NKAIN2: variants seen among roughly 807,000 people sequenced by gnomAD.
NKAIN2 encodes sodium/potassium transporting ATPase interacting 2.
A neutral mutation model predicts 32.6 loss-of-function variants in NKAIN2; 14 were observed. The observed-to-expected ratio is 0.43, with a 90% CI of 0.28 to 0.67. The LOEUF (loss-of-function observed/expected upper bound fraction) is 0.67. Ranked by LOEUF, NKAIN2 falls within the 30% of genes least tolerant of loss-of-function variation. The probability of loss-of-function intolerance (pLI) is 0.17; values close to 1 mark genes in which losing one functional copy is unlikely to be tolerated. For synonymous variants in NKAIN2, 80 were observed against 87.2 expected, an observed-to-expected ratio of 0.92 and a Z score of 0.46; for missense variants, 198 against 258.3, an observed-to-expected ratio of 0.77 and a Z score of 1.60.
intron 1 of NKAIN2, among the ~76,000 whole-genome samples, chr6:124,174,202 C>G (rs900078733): frequency 6.6e-6 from 1 of 152,106 alleles, no homozygotes. Context: ...CTTAAGAGAA[C>G]TCCCACCAAA....
At chr6:124,072,160 A>G (rs373314764) in intron 1 of NKAIN2, among the ~76,000 whole-genome samples, 158 of 152,290 alleles carry the variant, frequency 1.0e-3, no homozygotes, top group African/African-American at 3.7e-3. Context: ...AAATAATACA[A>G]TTATGTCCTT....
chr6:124,212,987 T>C (rs748261184), intron 1 of NKAIN2, among the ~76,000 whole-genome samples: 2 of 152,158 alleles, frequency 1.3e-5, no homozygotes, highest in African/African-American at 2.4e-5. Context: ...TTTCGTTAGA[T>C]ATACTTGCAT....
At chr6:124,497,824 T>TAAA (rs33913104) in intron 3 of NKAIN2, among the ~76,000 whole-genome samples, 8,269 of 105,472 alleles carry the variant, frequency 0.078, 509 homozygotes, top group East Asian at 0.24. Flanking sequence ...GAGTAAGGGG[T>TAAA]AAAAAAAAAA....
intron 3 of NKAIN2, among the ~76,000 whole-genome samples, chr6:124,457,111 AG>A (rs1264714985): frequency 6.6e-6 from 1 of 151,880 alleles, no homozygotes; most frequent in African/African-American, 2.4e-5. Context: ...CCTTCACAGG[AG>A]GTAGGGCTAC....
chr6:124,680,713 C>A (rs1583634379), intron 4 of NKAIN2, among the ~76,000 whole-genome samples: 1 of 152,114 alleles, frequency 6.6e-6, no homozygotes, highest in South Asian at 2.1e-4. Flanking sequence ...TTACTTCATA[C>A]TCTCAATGGA....
chr6:124,552,571 A>C (rs1201746768), intron 3 of NKAIN2, among the ~76,000 whole-genome samples: 1 of 152,212 alleles, frequency 6.6e-6, no homozygotes, highest in African/African-American at 2.4e-5. Context: ...AAGGAATAAA[A>C]AAACTCTCCC....
intron 1 of NKAIN2, among the ~76,000 whole-genome samples, chr6:123,911,805 A>ATATATATATGTG (rs1271100335): frequency 3.9e-5 from 4 of 102,682 alleles, no homozygotes; most frequent in African/African-American, 1.3e-4. Flanking sequence ...ATATATGTAT[A>ATATATATATGTG]TATATATACA....
chr6:124,206,874 AG>A lies in NKAIN2; in HGVS notation c.55-76130del, dbSNP rs556526847. On this transcript the variant is annotated intron_variant, in intron 1 of 6. Transcript: ENST00000368417. Reference sequence around the variant, plus strand: ...TTCCAGCCTCAAAACTTGGATCTCTAGATGATATAGTGATAATATTTCCTCT... The same window carrying A: ...TTCCAGCCTCAAAACTTGGATCTCTAATGATATAGTGATAATATTTCCTCT... 4.4e-3 allele frequency among the ~76,000 whole-genome samples: 670 copies of A among 151,902 alleles called. 1 individual carries two copies. The highest frequency in any genetic ancestry group is 6.9e-3 in the Non-Finnish European group (468 of 67,880).
chr6:124,259,687 A>G (rs527786359), intron 1 of NKAIN2, among the ~76,000 whole-genome samples: 150 of 152,276 alleles, frequency 9.9e-4, no homozygotes, highest in African/African-American at 2.1e-3. Context: ...AGAAAAACCT[A>G]TACCTTTAAA....
At chr6:123,979,601 G>T (rs146904553) in intron 1 of NKAIN2, among the ~76,000 whole-genome samples, 32 of 152,218 alleles carry the variant, frequency 2.1e-4, no homozygotes, top group African/African-American at 7.2e-4. Flanking sequence ...AAGAAGACCC[G>T]CACCTGACTG....
At chr6:123,919,408 CAGAAA>C (rs1775641942) in intron 1 of NKAIN2, among the ~76,000 whole-genome samples, 1 of 152,030 alleles carries the variant, frequency 6.6e-6, no homozygotes, top group African/African-American at 2.4e-5. Context: ...AATTGAAAGA[CAGAAA>C]AGAAATTTTT....
At chr6:124,159,404 T>C (rs1788157991) in intron 1 of NKAIN2, among the ~76,000 whole-genome samples, 1 of 152,172 alleles carries the variant, frequency 6.6e-6, no homozygotes, top group Admixed American at 6.5e-5. Flanking sequence ...GTGGCTTGTA[T>C]TGTGCATTTT....
intron 1 of NKAIN2, among the ~76,000 whole-genome samples, chr6:123,955,771 G>A (rs58771372): frequency 0.049 from 7,499 of 151,858 alleles, 573 homozygotes; most frequent in African/African-American, 0.16. Context: ...GACTGCAAGC[G>A]TATGCCATCA....
intron 1 of NKAIN2, among the ~76,000 whole-genome samples, chr6:123,911,075 T>G (rs914549126): frequency 3.3e-5 from 5 of 152,116 alleles, no homozygotes; most frequent in African/African-American, 1.2e-4. Context: ...GGTTGCTATA[T>G]TCTCATTTTA....
At position 124,581,048 on chromosome 6, in the gene NKAIN2, T is replaced by A. The variant is rs553280957; in HGVS notation, c.274-77138T>A. Among the ~76,000 whole-genome samples the A allele has an allele frequency of 1.9e-3, 297 of 152,314 alleles. 5 individuals are homozygous for A. Among genetic ancestry groups the A allele is most frequent in the Non-Finnish European group, 2.7e-3 (183 of 68,016 alleles). ...CCCACATATGCAAAGCAAATATTAT[T>A]AGAGCTAAAGAGAGAGATAGACCCC... On this transcript the variant is annotated intron_variant, in intron 3 of 6. Coordinates refer to ENST00000368417, the MANE Select transcript of NKAIN2 (RefSeq NM_001040214.3).
At chr6:123,914,225 G>GAC (rs1443698592) in intron 1 of NKAIN2, among the ~76,000 whole-genome samples, 3 of 151,866 alleles carry the variant, frequency 2.0e-5, no homozygotes, top group Middle Eastern at 3.4e-3. Flanking sequence ...GAGAGAGAGA[G>GAC]AGACAGACAG....
chr6:123,853,117 A>G (rs976442512), intron 1 of NKAIN2, among the ~76,000 whole-genome samples: 1 of 152,190 alleles, frequency 6.6e-6, no homozygotes, highest in Non-Finnish European at 1.5e-5. Flanking sequence ...GTAAAGATAT[A>G]TGTTTTAATG....
At chr6:124,162,899 A>G (rs1019114108) in intron 1 of NKAIN2, among the ~76,000 whole-genome samples, 3 of 152,104 alleles carry the variant, frequency 2.0e-5, no homozygotes, top group African/African-American at 7.2e-5. Context: ...ATGTGGATTT[A>G]CTTTTTAAAC....
Position 124,437,834 on chromosome 6 carries a change from C to A in NKAIN2, c.273+82487C>A. On this transcript the variant is annotated intron_variant, in intron 3 of 6. Transcript: ENST00000368417. ...AATAATTTCCTCAACGCATGGGATACGGTAGCTGAATTGTAGGGAATACGT... is the reference window on the plus strand; with the variant it reads ...AATAATTTCCTCAACGCATGGGATAAGGTAGCTGAATTGTAGGGAATACGT... 7.7e-6 allele frequency: 3 copies of A among 389,470 alleles called. No homozygotes were observed. The East Asian group carries it at 2.2e-4, about 29-fold the overall frequency. The allele number at this position is 389,470 out of a possible 1,614,324, so 24.1% of individuals were successfully genotyped here.
Sources: allele counts gnomAD v4.1 joint callset (sites outside exome capture counted in the v4.1 genomes callset), GRCh38; gene constraint gnomAD v4.1.1; transcripts MANE v1.5; gene names NCBI Gene and HGNC (gene_info 2026-07-23, HGNC 2026-07-21).